BMAL2: variants seen among roughly 807,000 people sequenced by gnomAD.
The protein encoded by BMAL2 is basic helix-loop-helix ARNT-like protein 2.
chr12:27,420,050 A>ACACACACACAC, the BMAL2 span, among the ~76,000 whole-genome samples: 30 of 59,552 alleles, frequency 5.0e-4, no homozygotes, highest in African/African-American at 1.8e-3. Context: ...CACACACACA[A>ACACACACACAC]ACATACACTA....
chr12:27,367,639 A>G, the BMAL2 span, among the ~76,000 whole-genome samples: 1 of 152,052 alleles, frequency 6.6e-6, no homozygotes, highest in Non-Finnish European at 1.5e-5. Flanking sequence ...TTCTTTTACA[A>G]TATAGGGGGA....
the BMAL2 span, chr12:27,402,511 A>G: frequency 1.1e-6 from 1 of 896,948 alleles, no homozygotes; most frequent in East Asian, 2.6e-5. Context: ...TATATAAAAC[A>G]TAAATGGGCC....
At chr12:27,351,610 A>G in the BMAL2 span, among the ~76,000 whole-genome samples, 1 of 152,158 alleles carries the variant, frequency 6.6e-6, no homozygotes, top group Non-Finnish European at 1.5e-5. Flanking sequence ...CCAGATCCCT[A>G]CGTAGGGACA....
At chr12:27,346,112 C>T in the BMAL2 span, among the ~76,000 whole-genome samples, 52 of 152,292 alleles carry the variant, frequency 3.4e-4, no homozygotes, top group African/African-American at 1.2e-3. Context: ...TGTTTTTGTC[C>T]TTATTCTTAA....
At chr12:27,402,568 C>A in the BMAL2 span, 1 of 1,445,848 alleles carries the variant, frequency 6.9e-7, no homozygotes, top group Non-Finnish European at 9.6e-7. Flanking sequence ...GTTGCTATAA[C>A]AGTTTCCTTC....
the BMAL2 span, among the ~76,000 whole-genome samples, chr12:27,340,830 G>A: frequency 2.0e-5 from 3 of 152,064 alleles, no homozygotes; most frequent in African/African-American, 4.8e-5. Flanking sequence ...TCCCCTCCCT[G>A]TTAACTGTAT....
the BMAL2 span, among the ~76,000 whole-genome samples, chr12:27,410,269 T>C: frequency 1.3e-5 from 2 of 152,170 alleles, no homozygotes; most frequent in South Asian, 2.1e-4. Flanking sequence ...GATTATAAAT[T>C]ATGCTGCTTT....
the BMAL2 span, among the ~76,000 whole-genome samples, chr12:27,404,046 C>A: frequency 6.6e-6 from 1 of 151,644 alleles, no homozygotes; most frequent in South Asian, 2.1e-4. Flanking sequence ...CCTATAGTCC[C>A]AGCTACTTGG....
At chr12:27,370,045 C>A in the BMAL2 span, 2 of 960,630 alleles carry the variant, frequency 2.1e-6, no homozygotes, top group Non-Finnish European at 3.3e-6. Context: ...ACACAGTAGG[C>A]TACTTTCTCC....
chr12:27,350,757 G>T, the BMAL2 span, among the ~76,000 whole-genome samples: 1 of 147,760 alleles, frequency 6.8e-6, no homozygotes, highest in African/African-American at 2.5e-5. Context: ...TCAGCTCACT[G>T]CAACCTCCTC....
At chr12:27,409,695 A>G in the BMAL2 span, among the ~76,000 whole-genome samples, 3 of 152,192 alleles carry the variant, frequency 2.0e-5, no homozygotes, top group Non-Finnish European at 4.4e-5. Flanking sequence ...CAAGGACTTC[A>G]TGTCTAAAAC....
At chr12:27,337,351 A>G in the BMAL2 span, among the ~76,000 whole-genome samples, 343 of 152,362 alleles carry the variant, frequency 2.3e-3, 3 homozygotes, top group African/African-American at 7.7e-3. Flanking sequence ...ATACTTTATC[A>G]TATTTTCCAA....
the BMAL2 span, among the ~76,000 whole-genome samples, chr12:27,395,324 A>T: frequency 1.5e-4 from 23 of 152,320 alleles, no homozygotes; most frequent in South Asian, 2.5e-3. Context: ...TCTAGACAAC[A>T]CATGACTGAA....
At chr12:27,406,164 A>G in the BMAL2 span, among the ~76,000 whole-genome samples, 341 of 152,344 alleles carry the variant, frequency 2.2e-3, no homozygotes, top group Middle Eastern at 6.8e-3. Context: ...GTTGGAAAAC[A>G]CTCTGCAGGA....
the BMAL2 span, among the ~76,000 whole-genome samples, chr12:27,347,353 C>T: frequency 2.0e-5 from 3 of 152,142 alleles, no homozygotes; most frequent in Non-Finnish European, 4.4e-5. Context: ...CCTTCATTTG[C>T]CCATACCACC....
the BMAL2 span, among the ~76,000 whole-genome samples, chr12:27,372,123 T>C: frequency 6.6e-6 from 1 of 151,422 alleles, no homozygotes; most frequent in African/African-American, 2.4e-5. Context: ...CCCAGCTACT[T>C]GAGAGGCTGA....
the BMAL2 span, among the ~76,000 whole-genome samples, chr12:27,341,750 A>C: frequency 3.3e-5 from 5 of 152,178 alleles, no homozygotes; most frequent in South Asian, 2.1e-4. Context: ...TTTCCTGTGC[A>C]GTTCCATGGG....
At chr12:27,397,855 G>A in the BMAL2 span, among the ~76,000 whole-genome samples, 1 of 152,118 alleles carries the variant, frequency 6.6e-6, no homozygotes, top group Non-Finnish European at 1.5e-5. Context: ...AAGTGCAACA[G>A]TACACCCAGA....
chr12:27,345,061 CTT>C, the BMAL2 span, among the ~76,000 whole-genome samples: 6 of 152,308 alleles, frequency 3.9e-5, no homozygotes, highest in Non-Finnish European at 7.3e-5. Context: ...GCCTCAAACT[CTT>C]TTAATTCATC....
Sources: gnomAD v4.1 joint callset for allele counts (sites outside exome capture counted in the v4.1 genomes callset) on GRCh38, gnomAD v4.1.1 for gene constraint, MANE v1.5 for transcripts, NCBI Gene and HGNC (gene_info 2026-07-23, HGNC 2026-07-21) for gene names.